Variants in ARID1A observed in about 807,000 individuals in gnomAD.
ARID1A encodes AT-rich interaction domain 1A, also known as AT-rich interactive domain-containing protein 1A.
ARID1A carries 20 observed loss-of-function variants against 212.6 expected under a neutral mutation model. The ratio of observed to expected loss-of-function variants is 0.09; its 90% CI spans 0.07 to 0.14. The LOEUF (loss-of-function observed/expected upper bound fraction) is 0.14, where lower values mean the gene tolerates loss of function less well. Ranked by LOEUF, ARID1A falls within the 10% of genes least tolerant of loss-of-function variation. The probability of loss-of-function intolerance (pLI) is 1.00; values close to 1 mark genes in which losing one functional copy is unlikely to be tolerated. For missense variants in ARID1A, 2,587 were observed against 3,059.0 expected (o/e 0.85, Z 3.64); for synonymous variants, 1,376 against 1,222.1 (o/e 1.13, Z -2.63).
At chr1:26,735,268 G>A (rs1232142874) in intron 4 of ARID1A, among the ~76,000 whole-genome samples, 1 of 151,598 alleles carries the variant, frequency 6.6e-6, no homozygotes, top group Non-Finnish European at 1.5e-5. Flanking sequence ...TGGGTTTACA[G>A]GTGCTCGCCA....
At chr1:26,736,918 A>C (rs1212320778) in intron 4 of ARID1A, among the ~76,000 whole-genome samples, 2 of 151,232 alleles carry the variant, frequency 1.3e-5, no homozygotes, top group Non-Finnish European at 2.9e-5. Flanking sequence ...AAAAAAAAAA[A>C]AAAACCCTGC....
At chr1:26,700,395 G>T (rs939908002) in intron 1 of ARID1A, among the ~76,000 whole-genome samples, 2 of 152,216 alleles carry the variant, frequency 1.3e-5, no homozygotes, top group African/African-American at 4.8e-5. Context: ...TTAGGTAAGT[G>T]TGTGTATTGT....
chr1:26,759,552 CA>C (rs2080972007), intron 4 of ARID1A, among the ~76,000 whole-genome samples: 1 of 152,146 alleles, frequency 6.6e-6, no homozygotes, highest in African/African-American at 2.4e-5. Context: ...ATTTAAGTAT[CA>C]GGGTTTTCAT....
chr1:26,726,913 G>T (rs1007660713), intron 1 of ARID1A, among the ~76,000 whole-genome samples: 4 of 152,234 alleles, frequency 2.6e-5, no homozygotes, highest in Non-Finnish European at 5.9e-5. Context: ...TATGGGAAGT[G>T]GCTTCATTTT....
chr1:26,737,067 C>A (rs1051534392), intron 4 of ARID1A, among the ~76,000 whole-genome samples: 3 of 152,094 alleles, frequency 2.0e-5, no homozygotes, highest in Non-Finnish European at 4.4e-5. Context: ...AAGCACCATC[C>A]TGTATTTGAC....
Position 26,762,189 on chromosome 1 carries a change from T to G in ARID1A, c.2289T>G (p.Ser763Arg), listed in dbSNP as rs967053127. The stretch of plus-strand genomic sequence containing the variant: ...GGAACCCCCAGATGCCCCAGTACAG[T>G]TCCCCCCAGCCCGGCTCAGCCTTAT... ...MQRNPQMPQY[S>R]SPQPGSALSP... The change falls in exon 7 of 20, where the codon AGT becomes AGG. Residue 763 changes from serine to arginine, a missense_variant. Transcript: ENST00000324856. The G allele has an allele frequency of 6.2e-7, 1 of 1,613,890 alleles. No individual in the cohort carries two copies. Among genetic ancestry groups the G allele is most frequent in the African/African-American group, 1.3e-5 (1 of 74,844 alleles).
intron 8 of ARID1A, among the ~76,000 whole-genome samples, chr1:26,763,535 G>A (rs555353552): frequency 6.6e-6 from 1 of 152,340 alleles, no homozygotes; most frequent in African/African-American, 2.4e-5. Context: ...CACTTTGGGA[G>A]GCCAAGGCGG....
chr1:26,749,946 A>G (rs2080870349), intron 4 of ARID1A, among the ~76,000 whole-genome samples: 1 of 152,218 alleles, frequency 6.6e-6, no homozygotes, highest in South Asian at 2.1e-4. Flanking sequence ...GGACTAATAG[A>G]GGTTGTGTCT....
rs147908324 is a variant in ARID1A, at chr1:26,715,275, A to G, written c.1138-14376A>G. Among the ~76,000 whole-genome samples the G allele has an allele frequency of 8.7e-3, 1,326 of 152,314 alleles. 15 individuals carry two copies. The highest frequency in any genetic ancestry group is 0.03 in the African/African-American group (1,267 of 41,560). On this transcript the variant is annotated intron_variant, in intron 1 of 19. Coordinates refer to ENST00000324856, the MANE Select transcript of ARID1A (RefSeq NM_006015.6). Reference sequence around the variant, plus strand: ...TTTTAGAAACTAGATCAGAAGATGCATTTAGAACAAAAGTTGGAATGTGCA... The same window carrying G: ...TTTTAGAAACTAGATCAGAAGATGCGTTTAGAACAAAAGTTGGAATGTGCA...
chr1:26,747,388 AAC>A (rs1158351162), intron 4 of ARID1A, among the ~76,000 whole-genome samples: 1 of 152,204 alleles, frequency 6.6e-6, no homozygotes, highest in African/African-American at 2.4e-5. Context: ...TGAAGGTGGG[AAC>A]TAGGGGTTGA....
In ARID1A at chr1:26,697,315, G is replaced by C. The variant is rs775380699; in HGVS notation, c.912G>C (p.Ser304=). 3.0e-6 allele frequency: 4 copies of C among 1,343,598 alleles called. No homozygotes were observed. The highest frequency in any genetic ancestry group is 3.8e-6 in the Non-Finnish European group (4 of 1,053,346). The allele number at this position is 1,343,598 out of a possible 1,614,324, so 83.2% of individuals were successfully genotyped here. The part of the protein sequence containing the change: ...TLNQLLTSPS[S]ARGYQGYPGG... ...ACCAACTGCTCACGTCGCCCAGCTC[G>C]GCCCGGGGCTACCAGGGCTACCCCG... Residue 304 remains serine, a synonymous_variant, in exon 1 of 20, where the codon TCG becomes TCC. Transcript: ENST00000324856.
In ARID1A at chr1:26,752,406, T is replaced by C. The variant is rs530622403; in HGVS notation, c.1921-8450T>C. Among the ~76,000 whole-genome samples, 4 of 152,332 alleles carry C rather than the reference T, an allele frequency of 2.6e-5. 1 individual carries two copies. Among genetic ancestry groups the C allele is most frequent in the South Asian group, 4.1e-4 (2 of 4,832 alleles). ...GTCAAATTTCTCTTTCTTACATTTA[T>C]AGCAAAGACTAAGGAGAAAAAAAGA... is the stretch of plus-strand genomic sequence containing the variant. On this transcript the variant is annotated intron_variant, in intron 4 of 19. Coordinates refer to ENST00000324856, the MANE Select transcript of ARID1A (RefSeq NM_006015.6).
chr1:26,697,680 T>A (rs1017581475), intron 1 of ARID1A, 140 bp downstream of exon 1: 12 of 875,460 alleles, frequency 1.4e-5, no homozygotes, highest in Non-Finnish European at 1.7e-5. Context: ...CTGGCTCTTC[T>A]CTCTTAAAAT....
chr1:26,696,175 C>A lies in ARID1A; in HGVS notation c.-229C>A. 1 of 563,578 alleles carries A rather than the reference C, an allele frequency of 1.8e-6. No homozygotes were observed. The allele number at this position is 563,578 out of a possible 1,614,324, so 34.9% of individuals were successfully genotyped here. A position where few individuals can be genotyped will look rare whatever the true frequency, so the allele number is the denominator to read the frequency against. ...GAGCCGGGAGCAGCTGAGCCGCCGGCGCCTCGGCCGCCGCCGCCGCCTCCT... is the reference window on the plus strand; with the variant it reads ...GAGCCGGGAGCAGCTGAGCCGCCGGAGCCTCGGCCGCCGCCGCCGCCTCCT... On this transcript the variant is annotated 5_prime_UTR_variant, in exon 1 of 20. Coordinates refer to ENST00000324856, the MANE Select transcript of ARID1A (RefSeq NM_006015.6).
At position 26,761,470 on chromosome 1, in the gene ARID1A, C is replaced by G. The variant is rs777476739; in HGVS notation, c.2248C>G (p.Arg750Gly). ...GAACCAATCAAGCATTGCCCAAGAT[C>G]GAGGTGAGAGCCTGGGTGTTGGGGA... ...SMNQSSIAQD[R>G]GYMQRNPQMP... Residue 750 changes from arginine (R) to glycine (G), a missense_variant, in exon 6 of 20, where the codon CGA becomes GGA. Around this residue, in one of 11 missense-constraint regions of ARID1A, gnomAD observed 674 missense variants for 813.4 expected, o/e 0.83. Transcript: ENST00000324856. The G allele has an allele frequency of 6.2e-7, 1 of 1,614,142 alleles. No individual in the cohort carries two copies. Among genetic ancestry groups the G allele is most frequent in the Non-Finnish European group, 8.5e-7 (1 of 1,180,014 alleles).
intron 10 of ARID1A, 107 bp downstream of exon 10, chr1:26,766,673 G>A: frequency 8.7e-7 from 1 of 1,148,116 alleles, no homozygotes; most frequent in Non-Finnish European, 1.2e-6. Context: ...TATGACACCG[G>A]ACTAGATAGT....
intron 4 of ARID1A, among the ~76,000 whole-genome samples, chr1:26,733,548 GGACTGTGC>G (rs1194830194): frequency 6.6e-6 from 1 of 152,174 alleles, no homozygotes; most frequent in East Asian, 1.9e-4. Flanking sequence ...GAGGGCATTG[GGACTGTGC>G]TTTATACCTG....
In ARID1A at chr1:26,696,133, C is replaced by T; in HGVS notation, c.-271C>T. The T allele has an allele frequency of 4.2e-6, 2 of 480,336 alleles. No homozygotes were observed. The highest frequency in any genetic ancestry group is 5.9e-6 in the Non-Finnish European group (2 of 337,668). 29.8% of individuals were successfully genotyped at this position (480,336 alleles called of 1,614,324 possible). A position where few individuals can be genotyped will look rare whatever the true frequency, so the allele number is the denominator to read the frequency against. ...CTTGGGGGGAATGAGCCGGGAGAGC[C>T]GGGTCCCGAGCCTACAGAGCCGGGA... On this transcript the variant is annotated 5_prime_UTR_variant, in exon 1 of 20. Coordinates refer to ENST00000324856, the MANE Select transcript of ARID1A (RefSeq NM_006015.6).
In ARID1A at chr1:26,731,143, T is replaced by C. The variant is rs2124787713; in HGVS notation, c.1351-9T>C. 1 of 1,611,516 alleles carries C rather than the reference T, an allele frequency of 6.2e-7. No homozygotes were observed. The highest frequency in any genetic ancestry group is 8.5e-7 in the Non-Finnish European group (1 of 1,177,764). On this transcript the variant is annotated splice_polypyrimidine_tract_variant and intron_variant, in intron 2 of 19. Transcript: ENST00000324856. ...GTCAGTGCTAAAAGTATATTTTCCT[T>C]TCCTACAGATTCCTCCTTATGGACA...
Sources: gnomAD v4.1 joint callset for allele counts (sites outside exome capture counted in the v4.1 genomes callset) on GRCh38, gnomAD v4.1.1 for gene constraint, gnomAD v4.1.1 regional missense constraint, MANE v1.5 for transcripts, NCBI Gene and HGNC (gene_info 2026-07-23, HGNC 2026-07-21) for gene names.